Variants in LARS2 observed in about 807,000 individuals in gnomAD.
LARS2 encodes the protein leucyl-tRNA synthetase 2, mitochondrial, also known as leucine--tRNA ligase, mitochondrial.
LARS2 carries 81 observed loss-of-function variants against 116.6 expected under a neutral mutation model. That is an observed-to-expected ratio of 0.69 (90% CI 0.58 to 0.84). The LOEUF (loss-of-function observed/expected upper bound fraction) is 0.84. Ranked by LOEUF, LARS2 falls within the 40% of genes least tolerant of loss-of-function variation. The pLI, the probability that LARS2 is intolerant of heterozygous loss-of-function variation, is 0.00. For missense variants in LARS2, 968 were observed against 1,114.5 expected (o/e 0.87, Z 1.87); for synonymous variants, 396 against 407.2 (o/e 0.97, Z 0.33).
chr3:45,527,616 T>C (rs955028618), intron 20 of LARS2, among the ~76,000 whole-genome samples: 4 of 148,846 alleles, frequency 2.7e-5, no homozygotes, highest in Non-Finnish European at 5.9e-5. Context: ...AGAGCGAGAC[T>C]CCGTCTCAAA....
At chr3:45,495,705 G>A (rs2125736152) in intron 13 of LARS2, among the ~76,000 whole-genome samples, 1 of 152,326 alleles carries the variant, frequency 6.6e-6, no homozygotes, top group Middle Eastern at 3.4e-3. Context: ...TTTGGATGGT[G>A]AGGCTTTCTA....
At chr3:45,441,461 G>A (rs1698909736) in intron 6 of LARS2, among the ~76,000 whole-genome samples, 1 of 152,182 alleles carries the variant, frequency 6.6e-6, no homozygotes, top group Admixed American at 6.5e-5. Context: ...TTTTCTAGTA[G>A]GGAAATGTGG....
rs1427888623 is a variant in LARS2, at chr3:45,548,757, G to A, written c.*1227G>A. 6.6e-6 allele frequency: 1 copy of A among 152,200 alleles called. No individual in the cohort carries two copies. Among genetic ancestry groups the A allele is most frequent in the African/African-American group, 2.4e-5 (1 of 41,458 alleles). The allele number at this position is 152,200 out of a possible 1,614,324, so 9.4% of individuals were successfully genotyped here. A position where few individuals can be genotyped will look rare whatever the true frequency, so the allele number is the denominator to read the frequency against. On this transcript the variant is annotated 3_prime_UTR_variant, in exon 22 of 22. Coordinates refer to ENST00000645846, the MANE Select transcript of LARS2 (RefSeq NM_015340.4). Reference sequence around the variant, plus strand: ...TGTTATCTGATGCCATTTTTCTGAAGTAGCCTCACATGTGGTCCCCCTGCA... The same window carrying A: ...TGTTATCTGATGCCATTTTTCTGAAATAGCCTCACATGTGGTCCCCCTGCA...
chr3:45,418,574 C>T (rs907837567), intron 5 of LARS2, among the ~76,000 whole-genome samples: 8 of 152,170 alleles, frequency 5.3e-5, no homozygotes, highest in Non-Finnish European at 8.8e-5. Context: ...AAATCTGGCC[C>T]TACCTGTTTC....
At chr3:45,542,307 G>T (rs1021193351) in intron 21 of LARS2, among the ~76,000 whole-genome samples, 2 of 152,158 alleles carry the variant, frequency 1.3e-5, no homozygotes, top group African/African-American at 4.8e-5. Flanking sequence ...TGCTCCTGGG[G>T]ACTTTTGGGG....
intron 11 of LARS2, among the ~76,000 whole-genome samples, chr3:45,486,386 C>T (rs960155632): frequency 6.6e-6 from 1 of 152,200 alleles, no homozygotes; most frequent in South Asian, 2.1e-4. Context: ...GCATTCTAAA[C>T]TATCGTCATG....
intron 6 of LARS2, among the ~76,000 whole-genome samples, chr3:45,426,487 G>GT (rs914563206): frequency 4.6e-5 from 7 of 152,154 alleles, no homozygotes; most frequent in Admixed American, 3.9e-4. Context: ...TTTCCTGAAG[G>GT]TTTTTTCTTT....
At chr3:45,418,359 C>A (rs891463493) in intron 5 of LARS2, among the ~76,000 whole-genome samples, 1 of 152,220 alleles carries the variant, frequency 6.6e-6, no homozygotes, top group African/African-American at 2.4e-5. Context: ...TCTGTCCATA[C>A]TATGGCATCC....
chr3:45,505,521 T>TAA (rs557290154), intron 15 of LARS2, among the ~76,000 whole-genome samples: 4 of 140,918 alleles, frequency 2.8e-5, no homozygotes, highest in African/African-American at 7.8e-5. Context: ...CTCCATCTGT[T>TAA]AAAAAAAAAA....
At chr3:45,529,658 G>A (rs1267408321) in intron 20 of LARS2, among the ~76,000 whole-genome samples, 1 of 152,036 alleles carries the variant, frequency 6.6e-6, no homozygotes, top group African/African-American at 2.4e-5. Context: ...AAAAGATTAA[G>A]GCTTTTGATG....
chr3:45,396,885 C>A (rs748638604), intron 3 of LARS2, among the ~76,000 whole-genome samples: 7 of 152,208 alleles, frequency 4.6e-5, no homozygotes, highest in Non-Finnish European at 7.3e-5. Context: ...TTTTGTCTCA[C>A]CTTTGATTTA....
chr3:45,400,483 A>G, intron 4 of LARS2, 110 bp downstream of exon 4: 4 of 1,073,038 alleles, frequency 3.7e-6, no homozygotes, highest in Non-Finnish European at 5.2e-6. Context: ...TAAGATTAGG[A>G]CAGCTTTGAA....
chr3:45,480,128 C>T (rs1042001882), intron 10 of LARS2, among the ~76,000 whole-genome samples: 1 of 152,120 alleles, frequency 6.6e-6, no homozygotes, highest in Non-Finnish European at 1.5e-5. Context: ...GGTTTTCCAT[C>T]AAACTGTTTC....
intron 20 of LARS2, among the ~76,000 whole-genome samples, chr3:45,536,287 AT>A (rs1384896488): frequency 6.6e-6 from 1 of 152,012 alleles, no homozygotes; most frequent in Non-Finnish European, 1.5e-5. Flanking sequence ...CATCTGGCTA[AT>A]TTTTTATTTT....
intron 6 of LARS2, among the ~76,000 whole-genome samples, chr3:45,443,041 G>T (rs973242231): frequency 1.3e-5 from 2 of 152,122 alleles, no homozygotes; most frequent in African/African-American, 4.8e-5. Context: ...CACACATACA[G>T]CATACACACC....
chr3:45,460,799 A>C (rs979370886), intron 8 of LARS2, among the ~76,000 whole-genome samples: 4 of 152,182 alleles, frequency 2.6e-5, no homozygotes, highest in Non-Finnish European at 4.4e-5. Context: ...TGAGACCCCC[A>C]AAAAGGCCAT....
At chr3:45,463,837 G>A (rs889442185) in intron 8 of LARS2, among the ~76,000 whole-genome samples, 1 of 152,090 alleles carries the variant, frequency 6.6e-6, no homozygotes, top group African/African-American at 2.4e-5. Flanking sequence ...AGAGTGCAGG[G>A]GAGACGAGGA....
intron 13 of LARS2, among the ~76,000 whole-genome samples, chr3:45,493,105 CT>C (rs544848178): frequency 8.7e-4 from 126 of 145,224 alleles, no homozygotes; most frequent in Non-Finnish European, 8.7e-4. Context: ...CCTGGATGAT[CT>C]TTTTTTTTTT....
chr3:45,432,843 G>GA (rs1242945794), intron 6 of LARS2, among the ~76,000 whole-genome samples: 4 of 151,958 alleles, frequency 2.6e-5, no homozygotes, highest in African/African-American at 7.2e-5. Context: ...TTGATTCTTT[G>GA]AAAAAATCAA....
Sources: gnomAD v4.1 joint callset for allele counts (sites outside exome capture counted in the v4.1 genomes callset) on GRCh38, gnomAD v4.1.1 for gene constraint, MANE v1.5 for transcripts, NCBI Gene and HGNC (gene_info 2026-07-23, HGNC 2026-07-21) for gene names.